Variants in CNTN6 observed in about 807,000 individuals in gnomAD.
CNTN6 encodes the protein contactin 6.
CNTN6 carries 137 observed loss-of-function variants against 122.8 expected under a neutral mutation model. That is an observed-to-expected ratio of 1.12 (90% CI 0.97 to 1.29). The LOEUF (loss-of-function observed/expected upper bound fraction) is 1.29, where lower values mean the gene tolerates loss of function less well. Ranked by LOEUF, CNTN6 falls within the 50% of genes most tolerant of loss-of-function variation. The pLI is 0.00. For synonymous variants in CNTN6, 570 were observed against 426.0 expected, an observed-to-expected ratio of 1.34 and a Z score of -4.16; for missense variants, 1,634 against 1,223.4, an observed-to-expected ratio of 1.34 and a Z score of -5.01.
intron 12 of CNTN6, among the ~76,000 whole-genome samples, chr3:1,365,734 TC>T: frequency 6.6e-6 from 1 of 152,184 alleles, no homozygotes; most frequent in African/African-American, 2.4e-5. Flanking sequence ...AAATAAGAAT[TC>T]CTTTCATTTA....
At chr3:1,372,744 T>C in intron 13 of CNTN6, 94 bp from the exon 14 acceptor site, 1 of 770,414 alleles carries the variant, frequency 1.3e-6, no homozygotes. Flanking sequence ...ATTTCAGAGT[T>C]GTTTTATGTT....
At chr3:1,143,503 G>T (rs1055701694) in intron 1 of CNTN6, among the ~76,000 whole-genome samples, 10 of 152,052 alleles carry the variant, frequency 6.6e-5, no homozygotes, top group Non-Finnish European at 1.2e-4. Flanking sequence ...TAGGATTCTA[G>T]GAACCTAGAA....
chr3:1,206,580 A>G (rs565525894), intron 2 of CNTN6, among the ~76,000 whole-genome samples: 3 of 152,240 alleles, frequency 2.0e-5, no homozygotes, highest in African/African-American at 4.8e-5. Context: ...CAAATGCACC[A>G]TTGACCCCAT....
rs767788766 is a variant in CNTN6 at position 1,148,014 on chromosome 3, G to T, written c.6G>T (p.Arg2Ser). 3.1e-6 allele frequency: 5 copies of T among 1,606,726 alleles called. No homozygotes were observed. Among genetic ancestry groups the T allele is most frequent in the Admixed American group, 3.3e-5 (2 of 59,924 alleles). The change falls in exon 2 of 23, where the codon AGG (arginine) becomes AGT (serine). Residue 2 changes from arginine (R) to serine (S), a missense_variant. Physicochemically the swap from Arg to Ser is moderately radical, Grantham distance 110. Transcript: ENST00000446702. Reference protein sequence around the residue: MRLLWKLVILLP... With the variant: MSLLWKLVILLP... ...TTTGACCTTAGAAAGTGGAAATGAG[G>T]TTGCTATGGAAACTGGTAATTCTGC...
At chr3:1,132,144 C>T (rs188814918) in intron 1 of CNTN6, among the ~76,000 whole-genome samples, 1 of 152,188 alleles carries the variant, frequency 6.6e-6, no homozygotes, top group East Asian at 1.9e-4. Context: ...GGGCCTGACA[C>T]TTCTAAAATA....
At chr3:1,326,835 G>T (rs141157735) in intron 9 of CNTN6, among the ~76,000 whole-genome samples, 1 of 151,802 alleles carries the variant, frequency 6.6e-6, no homozygotes, top group South Asian at 2.1e-4. Flanking sequence ...TTCCCTAGAG[G>T]ATGGTAATAC....
intron 1 of CNTN6, among the ~76,000 whole-genome samples, chr3:1,104,401 A>G (rs1029936222): frequency 3.9e-5 from 6 of 152,136 alleles, no homozygotes; most frequent in Admixed American, 1.3e-4. Flanking sequence ...CAAAAATAGG[A>G]TCTCACATTA....
At chr3:1,386,989 A>AGG in intron 20 of CNTN6, among the ~76,000 whole-genome samples, 1 of 151,334 alleles carries the variant, frequency 6.6e-6, no homozygotes, top group African/African-American at 2.4e-5. Context: ...TAGATTATCC[A>AGG]GTTATTTCCA....
chr3:1,332,519 G>GCGAGC (rs143807084), intron 11 of CNTN6, among the ~76,000 whole-genome samples: 50 of 53,596 alleles, frequency 9.3e-4, no homozygotes, highest in Non-Finnish European at 7.2e-5. Flanking sequence ...AGGAAGGAAG[G>GCGAGC]AAGGAAGGAA....
At chr3:1,326,926 C>T (rs1701621638) in intron 9 of CNTN6, among the ~76,000 whole-genome samples, 1 of 151,850 alleles carries the variant, frequency 6.6e-6, no homozygotes, top group Admixed American at 6.6e-5. Flanking sequence ...TATTTCTATA[C>T]CCCACATGGG....
chr3:1,327,054 T>C (rs1221285287), intron 9 of CNTN6, among the ~76,000 whole-genome samples: 1 of 151,926 alleles, frequency 6.6e-6, no homozygotes, highest in Non-Finnish European at 1.5e-5. Flanking sequence ...ACATTTCAAA[T>C]GTTTTTGAAA....
intron 17 of CNTN6, among the ~76,000 whole-genome samples, chr3:1,380,962 T>G (rs2126172203): frequency 6.6e-6 from 1 of 152,302 alleles, no homozygotes; most frequent in East Asian, 1.9e-4. Context: ...CTGGCCTTGT[T>G]AAATAACTAT....
chr3:1,329,963 T>C (rs1316371315), intron 11 of CNTN6, 28 bp downstream of exon 11: 4 of 1,487,416 alleles, frequency 2.7e-6, no homozygotes, highest in Admixed American at 4.9e-5. Context: ...TTTAAAAATA[T>C]TTTTGTTTGT....
At chr3:1,237,803 C>G (rs1375016752) in intron 4 of CNTN6, among the ~76,000 whole-genome samples, 1 of 152,090 alleles carries the variant, frequency 6.6e-6, no homozygotes, top group East Asian at 1.9e-4. Flanking sequence ...TTAAAGTAAG[C>G]TTCATAAATG....
intron 12 of CNTN6, among the ~76,000 whole-genome samples, chr3:1,359,894 T>C (rs1707201082): frequency 1.3e-5 from 2 of 152,078 alleles, no homozygotes; most frequent in Admixed American, 6.6e-5. Context: ...CCTTCTTTTG[T>C]TCGTTTGCTT....
chr3:1,389,778 G>C (rs1693816829), intron 20 of CNTN6, among the ~76,000 whole-genome samples: 1 of 150,248 alleles, frequency 6.7e-6, no homozygotes, highest in African/African-American at 2.4e-5. Context: ...TGATAAAACA[G>C]ACTTTAAACC....
chr3:1,158,642 A>G (rs1374338295), intron 2 of CNTN6, among the ~76,000 whole-genome samples: 1 of 151,492 alleles, frequency 6.6e-6, no homozygotes, highest in Non-Finnish European at 1.5e-5. Flanking sequence ...GCAAGATCAT[A>G]GCTCACTGCA....
intron 2 of CNTN6, among the ~76,000 whole-genome samples, chr3:1,160,344 G>GTGTATATATATATATATATATATATA (rs1553611145): frequency 1.8e-5 from 2 of 111,114 alleles, no homozygotes; most frequent in South Asian, 3.3e-4. Context: ...TACTTTTACT[G>GTGTATATATATATATATATATATATA]TATATATATA....
intron 11 of CNTN6, 62 bp from the exon 12 acceptor site, chr3:1,352,262 G>A (rs1705755571): frequency 3.3e-5 from 45 of 1,352,010 alleles, no homozygotes; most frequent in Non-Finnish European, 4.1e-5. Context: ...ATAAAAATAA[G>A]CACTTATGAT....
Sources: gnomAD v4.1 joint callset for allele counts (sites outside exome capture counted in the v4.1 genomes callset) on GRCh38, gnomAD v4.1.1 for gene constraint, MANE v1.5 for transcripts, NCBI Gene and HGNC (gene_info 2026-07-23, HGNC 2026-07-21) for gene names.